Variants in ARID4A observed in about 807,000 individuals in gnomAD.
The protein encoded by ARID4A is AT-rich interaction domain 4A, also known as AT-rich interactive domain-containing protein 4A.
In ARID4A, 39 loss-of-function variants were observed where a neutral mutation model predicts 148.6. That is an observed-to-expected ratio of 0.26 (90% CI 0.20 to 0.34). The LOEUF (loss-of-function observed/expected upper bound fraction) is 0.34. Among genes scored for constraint, ARID4A ranks in the 10% least tolerant of loss-of-function variants. ARID4A has a pLI of 1.00. For synonymous variants in ARID4A, 475 were observed against 481.2 expected (o/e 0.99, Z 0.17); for missense variants, 1,265 against 1,449.1 (o/e 0.87, Z 2.06).
intron 5 of ARID4A, among the ~76,000 whole-genome samples, chr14:58,307,801 CAA>C (rs1480017083): frequency 2.6e-5 from 4 of 152,144 alleles, no homozygotes; most frequent in Admixed American, 1.3e-4. Context: ...GCCTGGGCAA[CAA>C]GAGCAAAACT....
chr14:58,342,499 T>C (rs2034162010), intron 11 of ARID4A, among the ~76,000 whole-genome samples: 1 of 152,216 alleles, frequency 6.6e-6, no homozygotes, highest in Non-Finnish European at 1.5e-5. Flanking sequence ...TAATTTGCAA[T>C]TGATGAGTTG....
intron 8 of ARID4A, among the ~76,000 whole-genome samples, chr14:58,323,890 G>A (rs1209169972): frequency 1.4e-5 from 2 of 143,290 alleles, no homozygotes; most frequent in African/African-American, 5.2e-5. Flanking sequence ...CATTACCTTA[G>A]GTTCCCTTTT....
intron 5 of ARID4A, among the ~76,000 whole-genome samples, chr14:58,309,254 T>C (rs1171393869): frequency 6.6e-6 from 1 of 152,232 alleles, no homozygotes; most frequent in African/African-American, 2.4e-5. Context: ...GTGTTGGGAT[T>C]ACAGGCATGA....
At chr14:58,330,195 A>G in intron 11 of ARID4A, 26 bp downstream of exon 11, 1 of 1,601,552 alleles carries the variant, frequency 6.2e-7, no homozygotes, top group Non-Finnish European at 8.5e-7. Flanking sequence ...TGTTTGTAAC[A>G]AAAACATCTT....
intron 5 of ARID4A, among the ~76,000 whole-genome samples, chr14:58,316,466 T>G (rs1402263433): frequency 6.6e-6 from 1 of 152,246 alleles, no homozygotes; most frequent in Non-Finnish European, 1.5e-5. Context: ...AAGTTAAACC[T>G]ATACAATTAT....
intron 9 of ARID4A, 23 bp downstream of exon 9, chr14:58,328,339 A>G (rs1053001844): frequency 1.4e-6 from 2 of 1,469,686 alleles, no homozygotes; most frequent in East Asian, 2.3e-5. Flanking sequence ...TCCTTTAATG[A>G]TGTTACGTGG....
chr14:58,328,725 T>A (rs942835755), intron 9 of ARID4A, among the ~76,000 whole-genome samples: 1 of 152,184 alleles, frequency 6.6e-6, no homozygotes, highest in Non-Finnish European at 1.5e-5. Flanking sequence ...CCGGGCGCAG[T>A]TGCTGACGCC....
intron 11 of ARID4A, among the ~76,000 whole-genome samples, chr14:58,336,826 A>T (rs1356283093): frequency 2.0e-5 from 3 of 152,078 alleles, no homozygotes; most frequent in African/African-American, 7.2e-5. Flanking sequence ...AAGAGAGATT[A>T]TGAAGGGAGG....
At chr14:58,370,378 C>T (rs1397568566) in intron 23 of ARID4A, among the ~76,000 whole-genome samples, 1 of 152,282 alleles carries the variant, frequency 6.6e-6, no homozygotes, top group Non-Finnish European at 1.5e-5. Context: ...CTCACTGCAG[C>T]CTCCGCCTCC....
At chr14:58,344,034 T>C (rs2034239029) in intron 11 of ARID4A, among the ~76,000 whole-genome samples, 1 of 152,166 alleles carries the variant, frequency 6.6e-6, no homozygotes, top group Admixed American at 6.6e-5. Context: ...AATTATTTTG[T>C]TATCTTATTT....
chr14:58,335,611 C>G (rs538914078), intron 11 of ARID4A, among the ~76,000 whole-genome samples: 1 of 152,258 alleles, frequency 6.6e-6, no homozygotes, highest in Admixed American at 6.5e-5. Flanking sequence ...CCGTGCCCGG[C>G]CAAGGATTTC....
intron 7 of ARID4A, among the ~76,000 whole-genome samples, chr14:58,320,732 C>G (rs543225805): frequency 6.6e-6 from 1 of 152,080 alleles, no homozygotes; most frequent in Admixed American, 6.5e-5. Context: ...CTCAGCCTCC[C>G]GAGTAGCTGG....
intron 7 of ARID4A, among the ~76,000 whole-genome samples, chr14:58,322,963 CAAAA>C (rs386381476): frequency 1.7e-4 from 7 of 42,246 alleles, no homozygotes; most frequent in South Asian, 9.0e-4. Context: ...ACTCCATTTC[CAAAA>C]AAAAAAAAAA....
At chr14:58,350,973 C>A in intron 15 of ARID4A, 100 bp from the exon 16 acceptor site, 1 of 1,265,644 alleles carries the variant, frequency 7.9e-7, no homozygotes, top group Non-Finnish European at 1.1e-6. Flanking sequence ...ACGTTTCAAG[C>A]CAGAGACATT....
At chr14:58,347,568 T>C (rs1694178592) in intron 14 of ARID4A, 79 bp from the exon 15 acceptor site, 1 of 1,180,004 alleles carries the variant, frequency 8.5e-7, no homozygotes, top group African/African-American at 1.6e-5. Flanking sequence ...CTTTACTTTT[T>C]AAAAATGTGT....
At chr14:58,331,554 T>A (rs1056253553) in intron 11 of ARID4A, 1 of 152,302 alleles carries the variant, frequency 6.6e-6, no homozygotes, top group African/African-American at 2.4e-5. Context: ...ACCATTTTGA[T>A]TGCCAAAAAC....
chr14:58,303,774 A>C (rs956422483), intron 3 of ARID4A: 1 of 240,690 alleles, frequency 4.2e-6, no homozygotes, highest in Non-Finnish European at 8.9e-6. Flanking sequence ...AAGATCCAGT[A>C]ATTGTGTTTT....
At chr14:58,368,741 G>A (rs966378061) in intron 23 of ARID4A, among the ~76,000 whole-genome samples, 1 of 152,122 alleles carries the variant, frequency 6.6e-6, no homozygotes, top group Admixed American at 6.5e-5. Flanking sequence ...TGGGACCCAA[G>A]TCTAAACACA....
At chr14:58,365,898 A>T (rs898061841) in intron 21 of ARID4A, 126 bp from the exon 22 acceptor site, 14 of 896,934 alleles carry the variant, frequency 1.6e-5, no homozygotes, top group Admixed American at 2.7e-5. Context: ...TTATATTGTT[A>T]TAAACTTTGT....
Sources: gnomAD v4.1 joint callset for allele counts (sites outside exome capture counted in the v4.1 genomes callset) on GRCh38, gnomAD v4.1.1 for gene constraint, MANE v1.5 for transcripts, NCBI Gene and HGNC (gene_info 2026-07-23, HGNC 2026-07-21) for gene names.